KLF17: variants seen among roughly 807,000 people sequenced by gnomAD.
KLF17 encodes Krueppel-like factor 17.
KLF17 carries 31 observed loss-of-function variants against 34.2 expected under a neutral mutation model. The observed-to-expected ratio is 0.91, with a 90% CI of 0.68 to 1.22. The LOEUF (loss-of-function observed/expected upper bound fraction) is 1.22. Ranked by LOEUF, KLF17 falls within the 50% of genes most tolerant of loss-of-function variation. The pLI, the probability that KLF17 is intolerant of heterozygous loss-of-function variation, is 0.00. For synonymous variants in KLF17, 179 were observed against 186.7 expected, an observed-to-expected ratio of 0.96 and a Z score of 0.34; for missense variants, 478 against 505.2, an observed-to-expected ratio of 0.95 and a Z score of 0.52.
chr1:44,049,030 A>G, the KLF17 span, among the ~76,000 whole-genome samples: 1 of 152,196 alleles, frequency 6.6e-6, no homozygotes, highest in Non-Finnish European at 1.5e-5. Flanking sequence ...AACAACAGAC[A>G]TTTATTTCTC....
chr1:44,051,874 TGG>T, the KLF17 span, among the ~76,000 whole-genome samples: 1 of 152,130 alleles, frequency 6.6e-6, no homozygotes, highest in Admixed American at 6.5e-5. Flanking sequence ...TTTCAGCATT[TGG>T]TGAGGGGACC....
the KLF17 span, among the ~76,000 whole-genome samples, chr1:44,077,115 C>A: frequency 6.6e-6 from 1 of 151,478 alleles, no homozygotes; most frequent in Non-Finnish European, 1.5e-5. Context: ...AAGGCCGAGG[C>A]GGGCAGATTA....
the KLF17 span, among the ~76,000 whole-genome samples, chr1:44,079,362 G>A: frequency 1.3e-5 from 2 of 148,938 alleles, no homozygotes; most frequent in South Asian, 2.1e-4. Context: ...GTGTGTTGGC[G>A]CAAATCACAG....
chr1:44,053,894 C>T, the KLF17 span, among the ~76,000 whole-genome samples: 2 of 152,304 alleles, frequency 1.3e-5, no homozygotes, highest in African/African-American at 4.8e-5. Flanking sequence ...AGTAGCCACC[C>T]AACCCAGGCC....
chr1:44,061,565 G>C, the KLF17 span, among the ~76,000 whole-genome samples: 1 of 152,180 alleles, frequency 6.6e-6, no homozygotes, highest in Non-Finnish European at 1.5e-5. Flanking sequence ...CAACCTGAAA[G>C]TTATCACCTT....
chr1:44,049,026 A>G, the KLF17 span, among the ~76,000 whole-genome samples: 3 of 152,222 alleles, frequency 2.0e-5, no homozygotes, highest in Admixed American at 2.0e-4. Flanking sequence ...CTTAAACAAC[A>G]GACATTTATT....
At chr1:44,125,954 A>C (rs2088002453) in intron 1 of KLF17, among the ~76,000 whole-genome samples, 1 of 152,148 alleles carries the variant, frequency 6.6e-6, no homozygotes. Flanking sequence ...TCATAATCAG[A>C]AACAGCAAAT....
the KLF17 span, among the ~76,000 whole-genome samples, chr1:44,100,268 A>G: frequency 6.8e-6 from 1 of 147,530 alleles, no homozygotes; most frequent in Non-Finnish European, 1.5e-5. Context: ...AAAAAAAAAA[A>G]AAAAAGAGAG....
chr1:44,074,147 A>T, the KLF17 span, among the ~76,000 whole-genome samples: 1 of 151,658 alleles, frequency 6.6e-6, no homozygotes, highest in Non-Finnish European at 1.5e-5. Flanking sequence ...CTCCTTCCCC[A>T]TCTGTCCAAG....
the KLF17 span, among the ~76,000 whole-genome samples, chr1:44,100,077 AATACAC>A: frequency 1.7e-4 from 10 of 60,276 alleles, no homozygotes; most frequent in African/African-American, 7.0e-4. Context: ...CTCTACTAAA[AATACAC>A]ACACACACAC....
chr1:44,078,638 G>A, the KLF17 span, among the ~76,000 whole-genome samples: 7 of 152,048 alleles, frequency 4.6e-5, no homozygotes, highest in African/African-American at 7.3e-5. Flanking sequence ...GGGTTTCACC[G>A]TGTTAGCCAG....
the KLF17 span, among the ~76,000 whole-genome samples, chr1:44,065,651 C>A: frequency 6.6e-6 from 1 of 152,064 alleles, no homozygotes; most frequent in Admixed American, 6.6e-5. Context: ...CTCAAGTGAT[C>A]CCCTGCCTTG....
At chr1:44,103,794 C>T in the KLF17 span, 1 of 922,888 alleles carries the variant, frequency 1.1e-6, no homozygotes, top group South Asian at 1.3e-5. Flanking sequence ...CAGGGAAGCC[C>T]TCTGGCCTTT....
chr1:44,095,513 C>A, the KLF17 span, among the ~76,000 whole-genome samples: 1 of 152,126 alleles, frequency 6.6e-6, no homozygotes, highest in Non-Finnish European at 1.5e-5. Flanking sequence ...CCATGCCCAG[C>A]CTTTTATATC....
chr1:44,078,488 A>T, the KLF17 span, among the ~76,000 whole-genome samples: 3 of 146,786 alleles, frequency 2.0e-5, no homozygotes, highest in African/African-American at 7.6e-5. Flanking sequence ...GCTGCAGTGC[A>T]GTGCAGTGGC....
chr1:44,061,537 T>C, the KLF17 span, among the ~76,000 whole-genome samples: 1 of 152,216 alleles, frequency 6.6e-6, no homozygotes, highest in South Asian at 2.1e-4. Flanking sequence ...ACCACCTCTT[T>C]CCTTGGCAAT....
chr1:44,124,715 C>T lies in KLF17; in HGVS notation c.82-4638C>T, dbSNP rs555664592. 1.7e-4 allele frequency among the ~76,000 whole-genome samples: 26 copies of T among 152,082 alleles called. 1 individual carries two copies. The highest frequency in any genetic ancestry group is 4.8e-4 in the African/African-American group (20 of 41,494). ...TTTACCATGTTGGCCAGGCTTGTCT[C>T]GAACTCCTGACCTCAAGTGATCCAC... On this transcript the variant is annotated intron_variant, in intron 1 of 3. Coordinates refer to ENST00000372299, the MANE Select transcript of KLF17 (RefSeq NM_173484.4).
intron 1 of KLF17, among the ~76,000 whole-genome samples, chr1:44,127,614 C>CTTTCTT (rs2088025776): frequency 1.5e-5 from 1 of 67,024 alleles, no homozygotes; most frequent in Admixed American, 1.5e-4. Flanking sequence ...TTCTTTCTTT[C>CTTTCTT]TTTTCTTTTC....
At chr1:44,056,234 C>T in the KLF17 span, among the ~76,000 whole-genome samples, 67 of 152,250 alleles carry the variant, frequency 4.4e-4, 1 homozygote, top group Middle Eastern at 3.4e-3. Context: ...CTAGGGAAGA[C>T]GGACAGGAAC....
Sources: gnomAD v4.1 joint callset for allele counts (sites outside exome capture counted in the v4.1 genomes callset) on GRCh38, gnomAD v4.1.1 for gene constraint, MANE v1.5 for transcripts, NCBI Gene and HGNC (gene_info 2026-07-23, HGNC 2026-07-21) for gene names.